The following SLC7A1 variants were observed in gnomAD, a reference collection of about 807,000 sequenced individuals.
SLC7A1 encodes solute carrier family 7 member 1, also known as high affinity cationic amino acid transporter 1.
A neutral mutation model predicts 53.9 loss-of-function variants in SLC7A1; 10 were observed. The observed-to-expected ratio is 0.19, with a 90% CI of 0.11 to 0.31. The LOEUF is 0.31. Ranked by LOEUF, SLC7A1 falls within the 10% of genes least tolerant of loss-of-function variation. SLC7A1 has a pLI of 1.00. For synonymous variants in SLC7A1, 342 were observed against 338.7 expected (o/e 1.01, Z -0.11); for missense variants, 525 against 827.2 (o/e 0.63, Z 4.48).
At chr13:29,587,856 C>T (rs1198411887) in intron 1 of SLC7A1, among the ~76,000 whole-genome samples, 1 of 152,072 alleles carries the variant, frequency 6.6e-6, no homozygotes, top group Non-Finnish European at 1.5e-5. Flanking sequence ...GACTTGGCTG[C>T]GGGGCTCCTG....
chr13:29,539,303 T>C (rs1197796430), intron 2 of SLC7A1, among the ~76,000 whole-genome samples: 2 of 152,092 alleles, frequency 1.3e-5, no homozygotes, highest in Non-Finnish European at 2.9e-5. Context: ...TGGGCCTCTG[T>C]AGAACGGAAG....
In SLC7A1 at chr13:29,511,411, GAC is replaced by G. The variant is rs1022984595; in HGVS notation, c.*3067_*3068del. 2 of 152,238 alleles carry G rather than the reference GAC, an allele frequency of 1.3e-5. No homozygotes were observed. The highest frequency in any genetic ancestry group is 1.3e-4 in the Admixed American group (2 of 15,292). 9.4% of individuals were successfully genotyped at this position (152,238 alleles called of 1,614,324 possible). ...AGTATACATTTAGCGACCTTTCTGA[GAC>G]AGCCTGGGGAAAATGCATCTATCAC... On this transcript the variant is annotated 3_prime_UTR_variant, in exon 13 of 13. Coordinates refer to ENST00000380752, the MANE Select transcript of SLC7A1 (RefSeq NM_003045.5).
chr13:29,547,777 G>A (rs1270088725), intron 2 of SLC7A1, among the ~76,000 whole-genome samples: 1 of 152,212 alleles, frequency 6.6e-6, no homozygotes, highest in African/African-American at 2.4e-5. Context: ...CTGATAAGCG[G>A]GTACACGGGG....
chr13:29,515,315 C>T (rs1164829954), intron 12 of SLC7A1, among the ~76,000 whole-genome samples: 2 of 152,224 alleles, frequency 1.3e-5, no homozygotes, highest in Non-Finnish European at 2.9e-5. Flanking sequence ...GGCCAGTGAG[C>T]TGTGAGCAGC....
intron 2 of SLC7A1, among the ~76,000 whole-genome samples, chr13:29,546,189 C>T (rs183033334): frequency 4.6e-5 from 7 of 152,278 alleles, no homozygotes; most frequent in Non-Finnish European, 7.4e-5. Flanking sequence ...TGAGCCAGAA[C>T]CAACCAGGGA....
At chr13:29,527,676 G>A (rs1018824446) in intron 5 of SLC7A1, among the ~76,000 whole-genome samples, 2 of 152,142 alleles carry the variant, frequency 1.3e-5, no homozygotes, top group African/African-American at 4.8e-5. Flanking sequence ...CAGCCCTTCT[G>A]TGTTCCACTC....
chr13:29,531,575 A>T (rs546778738), intron 4 of SLC7A1, among the ~76,000 whole-genome samples: 4 of 152,346 alleles, frequency 2.6e-5, no homozygotes, highest in African/African-American at 9.6e-5. Context: ...GCGGTCGCTC[A>T]CGCCTGTAAT....
At chr13:29,543,417 G>C (rs1869756329) in intron 2 of SLC7A1, among the ~76,000 whole-genome samples, 1 of 151,816 alleles carries the variant, frequency 6.6e-6, no homozygotes, top group Non-Finnish European at 1.5e-5. Context: ...ACTCAACCAG[G>C]GGTTTCAGTC....
chr13:29,526,878 C>T (rs138314138), intron 5 of SLC7A1, among the ~76,000 whole-genome samples: 8 of 152,162 alleles, frequency 5.3e-5, no homozygotes, highest in Non-Finnish European at 1.0e-4. Flanking sequence ...GGTGAAGGCA[C>T]GTGCTGTGCT....
intron 2 of SLC7A1, among the ~76,000 whole-genome samples, chr13:29,551,689 T>C (rs1486591933): frequency 2.0e-5 from 3 of 152,148 alleles, no homozygotes; most frequent in African/African-American, 4.8e-5. Flanking sequence ...CGGGGAAGAA[T>C]GCAGAATGAA....
chr13:29,534,871 G>A (rs1173537642), intron 3 of SLC7A1, among the ~76,000 whole-genome samples: 1 of 152,166 alleles, frequency 6.6e-6, no homozygotes, highest in Admixed American at 6.5e-5. Flanking sequence ...TTAGGTTTTT[G>A]TTTCTTTTAA....
chr13:29,547,369 C>T (rs1359101311), intron 2 of SLC7A1, among the ~76,000 whole-genome samples: 1 of 152,168 alleles, frequency 6.6e-6, no homozygotes, highest in African/African-American at 2.4e-5. Flanking sequence ...CTGCAGGACC[C>T]AACCGGGGCT....
At chr13:29,519,734 A>G (rs188531148) in intron 8 of SLC7A1, among the ~76,000 whole-genome samples, 185 bp from the exon 9 acceptor site, 10 of 146,846 alleles carry the variant, frequency 6.8e-5, no homozygotes, top group Admixed American at 1.4e-4. Context: ...GCTTGTGATT[A>G]AATCACAGAC....
chr13:29,519,314 C>T, intron 9 of SLC7A1, 133 bp downstream of exon 9: 1 of 578,404 alleles, frequency 1.7e-6, no homozygotes, highest in Non-Finnish European at 3.1e-6. Flanking sequence ...GTCCTCCCCT[C>T]TCCTTGGCAG....
At position 29,513,601 on chromosome 13, in the gene SLC7A1, A is replaced by T. The variant is rs1883461670; in HGVS notation, c.*879T>A. The T allele has an allele frequency of 6.5e-6, 1 of 152,728 alleles. No homozygotes were observed. Among genetic ancestry groups the T allele is most frequent in the African/African-American group, 2.4e-5 (1 of 41,446 alleles). The allele number at this position is 152,728 out of a possible 1,614,324, so 9.5% of individuals were successfully genotyped here. ...AACGGTGGCGACTCACAGGAAACAG[A>T]CTTCTGACTCGGCCACCATGGGGCC... On this transcript the variant is annotated 3_prime_UTR_variant, in exon 13 of 13. Coordinates refer to ENST00000380752, the MANE Select transcript of SLC7A1 (RefSeq NM_003045.5).
At chr13:29,537,448 T>C (rs1869473864) in intron 2 of SLC7A1, among the ~76,000 whole-genome samples, 1 of 152,112 alleles carries the variant, frequency 6.6e-6, no homozygotes, top group African/African-American at 2.4e-5. Context: ...CTAGAGGAGC[T>C]AAGGAGATGT....
intron 2 of SLC7A1, among the ~76,000 whole-genome samples, chr13:29,544,243 CA>C (rs1869804228): frequency 6.6e-6 from 1 of 152,130 alleles, no homozygotes; most frequent in Non-Finnish European, 1.5e-5. Context: ...ACATCAAGTC[CA>C]AAAGAACATA....
chr13:29,533,004 AGAG>A (rs1869243450), intron 3 of SLC7A1, 22 bp from the exon 4 acceptor site: 1 of 1,597,386 alleles, frequency 6.3e-7, no homozygotes, highest in African/African-American at 1.3e-5. Context: ...CACACACAAC[AGAG>A]GAGATGTGAG....
intron 3 of SLC7A1, 136 bp from the exon 4 acceptor site, chr13:29,533,118 A>T (rs1321652150): frequency 1.2e-6 from 1 of 831,274 alleles, no homozygotes; most frequent in East Asian, 2.7e-5. Flanking sequence ...CAGCCAGACC[A>T]CAGTGTATGC....
Sources: gnomAD v4.1 joint callset for allele counts (sites outside exome capture counted in the v4.1 genomes callset) on GRCh38, gnomAD v4.1.1 for gene constraint, MANE v1.5 for transcripts, NCBI Gene and HGNC (gene_info 2026-07-23, HGNC 2026-07-21) for gene names.